Variants in PRMT3 observed in about 807,000 individuals in gnomAD.
PRMT3 encodes protein arginine N-methyltransferase 3.
PRMT3 carries 62 observed loss-of-function variants against 71.9 expected under a neutral mutation model. That is an observed-to-expected ratio of 0.86 (90% confidence interval 0.70 to 1.07). The LOEUF (loss-of-function observed/expected upper bound fraction) is 1.07. Ranked by LOEUF, PRMT3 falls within the 50% of genes least tolerant of loss-of-function variation. PRMT3 has a pLI of 0.00. For missense variants in PRMT3, 663 were observed against 643.0 expected (o/e 1.03, Z -0.34); for synonymous variants, 213 against 220.4 (o/e 0.97, Z 0.30).
At chr11:20,464,325 C>G (rs764533321) in intron 12 of PRMT3, 135 bp from the exon 13 acceptor site, 3 of 1,267,392 alleles carry the variant, frequency 2.4e-6, no homozygotes, top group Non-Finnish European at 3.1e-6. Context: ...GTAAAGTTTG[C>G]AAAACTTTGG....
intron 9 of PRMT3, among the ~76,000 whole-genome samples, chr11:20,425,066 A>T (rs7479599): frequency 1.3e-5 from 2 of 151,668 alleles, no homozygotes. Context: ...TCATTGCACC[A>T]CTGCATTCTA....
At chr11:20,507,038 T>C (rs1014548009) in intron 15 of PRMT3, among the ~76,000 whole-genome samples, 1 of 152,216 alleles carries the variant, frequency 6.6e-6, no homozygotes, top group Admixed American at 6.5e-5. Flanking sequence ...CATGTGCCTC[T>C]ACATTTTCCC....
chr11:20,393,021 C>A, intron 5 of PRMT3, 22 bp downstream of exon 5: 1 of 1,455,462 alleles, frequency 6.9e-7, no homozygotes, highest in Non-Finnish European at 9.6e-7. Flanking sequence ...ATAAGTGTAT[C>A]TCCTTTAATT....
chr11:20,388,177 C>T lies in PRMT3; in HGVS notation c.164+23C>T, dbSNP rs752467237. On this transcript the variant is annotated intron_variant, in intron 2 of 15. Coordinates refer to ENST00000331079, the MANE Select transcript of PRMT3 (RefSeq NM_005788.4). ...CAGGTTCGTCCGCCTCAGCGCCTGG[C>T]CTCTGCCCTAGGGTGCCCGGGCGCG... is the stretch of plus-strand genomic sequence containing the variant. 6 of 1,613,508 alleles carry T rather than the reference C, an allele frequency of 3.7e-6. No homozygotes were observed. The African/African-American group carries it at 6.7e-5, about 18-fold the overall frequency.
chr11:20,422,449 T>A (rs1346103396), intron 9 of PRMT3, among the ~76,000 whole-genome samples: 1 of 152,294 alleles, frequency 6.6e-6, no homozygotes, highest in African/African-American at 2.4e-5. Flanking sequence ...AGTCTTTCAG[T>A]GAGGAAAAAC....
rs201209789 is a variant in PRMT3, at chr11:20,494,319, T to A, written c.1486+65T>A. ...TGAAGTAAATGATATTCATTCATTT[T>A]ACAGCCACTTTTTATGTGCACACTA... On this transcript the variant is annotated intron_variant, in intron 15 of 15. Transcript: ENST00000331079. The A allele has an allele frequency of 9.1e-6, 12 of 1,325,232 alleles. No homozygotes were observed. The South Asian group carries it at 1.3e-4, about 15-fold the overall frequency. The allele number at this position is 1,325,232 out of a possible 1,614,324, so 82.1% of individuals were successfully genotyped here.
chr11:20,493,684 T>C (rs954111711), intron 13 of PRMT3, among the ~76,000 whole-genome samples: 5 of 152,234 alleles, frequency 3.3e-5, no homozygotes, highest in African/African-American at 1.2e-4. Flanking sequence ...TCTAATAAAA[T>C]GTACTAATTA....
chr11:20,489,858 C>T (rs141708365), intron 13 of PRMT3, among the ~76,000 whole-genome samples: 4 of 150,936 alleles, frequency 2.7e-5, no homozygotes, highest in African/African-American at 9.7e-5. Context: ...AGAAAGATCC[C>T]TTAAGCCCAG....
intron 10 of PRMT3, among the ~76,000 whole-genome samples, chr11:20,445,928 C>T (rs578053417): frequency 2.0e-4 from 31 of 152,142 alleles, no homozygotes; most frequent in Non-Finnish European, 3.8e-4. Context: ...CTATAGATGT[C>T]GTTGTATGAA....
intron 10 of PRMT3, among the ~76,000 whole-genome samples, chr11:20,431,562 A>C (rs1849655611): frequency 6.6e-6 from 1 of 152,158 alleles, no homozygotes. Flanking sequence ...ACATGAAATA[A>C]AGAATATTAA....
At chr11:20,392,605 T>C (rs1208689645) in intron 4 of PRMT3, among the ~76,000 whole-genome samples, 1 of 152,038 alleles carries the variant, frequency 6.6e-6, no homozygotes, top group East Asian at 1.9e-4. Flanking sequence ...TTTATTCTGT[T>C]TTTTTTCAGA....
chr11:20,455,549 G>A (rs564212796), intron 11 of PRMT3, among the ~76,000 whole-genome samples: 1 of 152,110 alleles, frequency 6.6e-6, no homozygotes, highest in South Asian at 2.1e-4. Flanking sequence ...TTATACTTCA[G>A]AAAAGAGACT....
intron 15 of PRMT3, among the ~76,000 whole-genome samples, chr11:20,507,502 G>A (rs191487574): frequency 2.8e-4 from 42 of 152,344 alleles, no homozygotes; most frequent in Middle Eastern, 3.4e-3. Context: ...AGGGCTGGGC[G>A]CAGTGGCTTA....
intron 13 of PRMT3, among the ~76,000 whole-genome samples, chr11:20,483,206 G>T (rs1286787955): frequency 1.3e-5 from 2 of 151,968 alleles, no homozygotes; most frequent in Non-Finnish European, 2.9e-5. Context: ...ATATTTTTCA[G>T]TTTTAAACTT....
At chr11:20,492,930 G>A (rs189712328) in intron 13 of PRMT3, among the ~76,000 whole-genome samples, 30 of 152,162 alleles carry the variant, frequency 2.0e-4, no homozygotes, top group Middle Eastern at 3.4e-3. Flanking sequence ...GGTGGCGCAC[G>A]CCTGTAGTCC....
At position 20,391,403 on chromosome 11, in the gene PRMT3, A is replaced by G. The variant is rs975628865; in HGVS notation, c.248-808A>G. 2.0e-5 allele frequency among the ~76,000 whole-genome samples: 3 copies of G among 151,826 alleles called. No homozygotes were observed. The East Asian group carries it at 5.9e-4, about 30-fold the overall frequency. ...TGGGATTATAGGCATGCGCCACCACACTGGCTAATTTTGTATTTTAGGAGA... is the reference window on the plus strand; with the variant it reads ...TGGGATTATAGGCATGCGCCACCACGCTGGCTAATTTTGTATTTTAGGAGA... On this transcript the variant is annotated intron_variant, in intron 3 of 15. Transcript: ENST00000331079.
intron 13 of PRMT3, among the ~76,000 whole-genome samples, chr11:20,488,047 A>T (rs946029417): frequency 6.6e-6 from 1 of 152,170 alleles, no homozygotes; most frequent in Non-Finnish European, 1.5e-5. Context: ...ATCTGGCAGT[A>T]TCTCTTGAGA....
At chr11:20,457,845 C>A (rs1850302022) in intron 11 of PRMT3, among the ~76,000 whole-genome samples, 2 of 152,118 alleles carry the variant, frequency 1.3e-5, no homozygotes, top group Admixed American at 1.3e-4. Context: ...GCATTTTTCA[C>A]ATTTATTAGT....
In PRMT3 at chr11:20,411,854, A is replaced by G. The variant is rs570214632; in HGVS notation, c.893+3822A>G. Among the ~76,000 whole-genome samples the G allele has an allele frequency of 3.3e-5, 5 of 152,310 alleles. No individual in the cohort carries two copies. The South Asian group carries it at 6.2e-4, about 19-fold the overall frequency. On this transcript the variant is annotated intron_variant, in intron 9 of 15. Coordinates refer to ENST00000331079, the MANE Select transcript of PRMT3 (RefSeq NM_005788.4). ...AAGCTTAGTGAGGAAAAGTTTTATT[A>G]TACAGCAGGTTCACAGTTGATTCAG...
Sources: gnomAD v4.1 joint callset for allele counts (sites outside exome capture counted in the v4.1 genomes callset) on GRCh38, gnomAD v4.1.1 for gene constraint, MANE v1.5 for transcripts, NCBI Gene and HGNC (gene_info 2026-07-23, HGNC 2026-07-21) for gene names.